Variants in RIN2 observed in about 807,000 individuals in gnomAD.
The protein encoded by RIN2 is Ras and Rab interactor 2.
Under a neutral mutation model 78.0 loss-of-function variants are expected in RIN2, and 36 were observed. The ratio of observed to expected loss-of-function variants is 0.46; its 90% CI spans 0.35 to 0.61. The LOEUF is 0.61. Ranked by LOEUF, RIN2 falls within the 20% of genes least tolerant of loss-of-function variation. The pLI is 0.00. For missense variants in RIN2, 1,087 were observed against 1,159.7 expected (o/e 0.94, Z 0.91); for synonymous variants, 466 against 466.8 (o/e 1.00, Z 0.02).
chr20:19,797,819 T>C (rs991643375), intron 1 of RIN2, among the ~76,000 whole-genome samples: 3 of 152,058 alleles, frequency 2.0e-5, no homozygotes, highest in Non-Finnish European at 4.4e-5. Context: ...CTAAATAATC[T>C]GCAATGGACC....
At chr20:19,969,693 A>G (rs560562782) in intron 7 of RIN2, among the ~76,000 whole-genome samples, 1 of 152,348 alleles carries the variant, frequency 6.6e-6, no homozygotes, top group African/African-American at 2.4e-5. Flanking sequence ...GGCACATTGC[A>G]GATGATCATA....
At chr20:19,813,723 T>A (rs958808199) in intron 2 of RIN2, among the ~76,000 whole-genome samples, 4 of 152,210 alleles carry the variant, frequency 2.6e-5, no homozygotes, top group Admixed American at 6.5e-5. Context: ...ATGTATTTTT[T>A]AAAAAAATGA....
intron 3 of RIN2, among the ~76,000 whole-genome samples, chr20:19,929,786 G>A (rs1008964029): frequency 1.3e-5 from 2 of 152,184 alleles, no homozygotes; most frequent in African/African-American, 4.8e-5. Context: ...TGTAAGGGAT[G>A]AGATTGAAAG....
At chr20:19,813,163 C>T (rs1240790463) in intron 2 of RIN2, among the ~76,000 whole-genome samples, 1 of 152,214 alleles carries the variant, frequency 6.6e-6, no homozygotes, top group African/African-American at 2.4e-5. Context: ...CCATTCTTTC[C>T]CTTGCCCCCA....
At chr20:19,991,566 T>C (rs73901371) in intron 10 of RIN2, among the ~76,000 whole-genome samples, 3,140 of 152,320 alleles carry the variant, frequency 0.021, 125 homozygotes, top group African/African-American at 0.071. Flanking sequence ...GGGACAAAAT[T>C]ATCTCCAGTT....
intron 6 of RIN2, among the ~76,000 whole-genome samples, chr20:19,964,395 C>A (rs2041870034): frequency 6.6e-6 from 1 of 152,204 alleles, no homozygotes; most frequent in East Asian, 1.9e-4. Context: ...ATGCATGAGG[C>A]ACCATGCCCG....
intron 1 of RIN2, among the ~76,000 whole-genome samples, chr20:19,770,741 A>G (rs1045660678): frequency 6.6e-6 from 1 of 152,038 alleles, no homozygotes; most frequent in Non-Finnish European, 1.5e-5. Flanking sequence ...TCTCACAACA[A>G]TCACCAACAC....
In RIN2 at chr20:19,992,290, C is replaced by T; in HGVS notation, c.2191C>T (p.His731Tyr). 1.9e-6 allele frequency: 3 copies of T among 1,564,224 alleles called. No homozygotes were observed. The highest frequency in any genetic ancestry group is 2.6e-6 in the Non-Finnish European group (3 of 1,153,466). The part of the protein sequence containing the change: ...MMELLDPSLL[H>Y]GEGGYYLTSA... The stretch of plus-strand genomic sequence containing the variant: ...GGAGCTCCTAGACCCATCGCTGTTA[C>T]ATGGAGAAGGTAACTGCTTTTGAGA... Residue 731 changes from histidine (H) to tyrosine (Y), a missense_variant, in exon 11 of 13, where the codon CAT (histidine) becomes TAT (tyrosine). This residue lies in a region of RIN2 where 45 missense variants were observed against 88.1 expected (regional missense o/e 0.51). Transcript: ENST00000255006.
Position 20,001,114 on chromosome 20 carries a change from G to A in RIN2, c.*178G>A, listed in dbSNP as rs1373190288. On this transcript the variant is annotated 3_prime_UTR_variant, in exon 13 of 13. Coordinates refer to ENST00000255006, the MANE Select transcript of RIN2 (RefSeq NM_018993.4). ...AACTTTAGCCACGCAAGGTAGCTGA[G>A]GTTTGTGAAACAGTAGGATTCTCTT... The A allele has an allele frequency of 8.5e-6, 5 of 586,544 alleles. No homozygotes were observed. In the Admixed American group the frequency reaches 1.5e-4, roughly 17 times the overall value. The allele number at this position is 586,544 out of a possible 1,614,324, so 36.3% of individuals were successfully genotyped here. A position where few individuals can be genotyped will look rare whatever the true frequency, so the allele number is the denominator to read the frequency against.
At chr20:19,946,534 A>G (rs984140037) in intron 4 of RIN2, among the ~76,000 whole-genome samples, 2 of 152,048 alleles carry the variant, frequency 1.3e-5, no homozygotes, top group African/African-American at 4.8e-5. Flanking sequence ...CATGGCCAAC[A>G]TGGCGAAACC....
At chr20:19,859,983 G>T (rs549133593) in intron 2 of RIN2, among the ~76,000 whole-genome samples, 1 of 152,220 alleles carries the variant, frequency 6.6e-6, no homozygotes, top group Non-Finnish European at 1.5e-5. Flanking sequence ...TGGCACCCCT[G>T]TGGACAACTG....
In RIN2 at chr20:19,935,717, T is replaced by G. The variant is rs760012349; in HGVS notation, c.158+518T>G. ...TCGATACAAAGGGAAGGCGGCGTGCTGTGCTGTTGAAGGCGATACCTGTGC... is the reference window on the plus strand; with the variant it reads ...TCGATACAAAGGGAAGGCGGCGTGCGGTGCTGTTGAAGGCGATACCTGTGC... On this transcript the variant is annotated intron_variant, in intron 4 of 12. Coordinates refer to ENST00000255006, the MANE Select transcript of RIN2 (RefSeq NM_018993.4). 5.0e-4 allele frequency: 324 copies of G among 651,754 alleles called. 5 individuals are homozygous for G. The highest frequency in any genetic ancestry group is 1.3e-4 in the Admixed American group (2 of 15,774). 40.4% of individuals were successfully genotyped at this position (651,754 alleles called of 1,614,324 possible). A position where few individuals can be genotyped will look rare whatever the true frequency, so the allele number is the denominator to read the frequency against.
At chr20:19,967,172 T>C (rs1431445521) in intron 7 of RIN2, among the ~76,000 whole-genome samples, 1 of 152,202 alleles carries the variant, frequency 6.6e-6, no homozygotes, top group Non-Finnish European at 1.5e-5. Context: ...GTACCTGCTG[T>C]CCAGGACTGT....
At chr20:19,793,165 A>G (rs991779823) in intron 1 of RIN2, among the ~76,000 whole-genome samples, 3 of 152,236 alleles carry the variant, frequency 2.0e-5, no homozygotes, top group Non-Finnish European at 4.4e-5. Context: ...TTAGAAAGTC[A>G]AAAGCAATAG....
intron 1 of RIN2, among the ~76,000 whole-genome samples, chr20:19,764,923 T>TTTTTTTTTG (rs1555813290): frequency 1.7e-4 from 19 of 113,856 alleles, no homozygotes; most frequent in African/African-American, 5.1e-4. Flanking sequence ...TCTGCGTTTT[T>TTTTTTTTTG]TTTTTTTTTT....
intron 1 of RIN2, among the ~76,000 whole-genome samples, chr20:19,794,865 A>G (rs992308740): frequency 6.6e-6 from 1 of 152,214 alleles, no homozygotes; most frequent in Non-Finnish European, 1.5e-5. Flanking sequence ...TCTGATCAAG[A>G]CAATCCCCTT....
chr20:19,787,170 C>T (rs2034705636), intron 1 of RIN2, among the ~76,000 whole-genome samples: 3 of 151,988 alleles, frequency 2.0e-5, no homozygotes, highest in Non-Finnish European at 4.4e-5. Context: ...TACCTGTAAT[C>T]CCAGCACTTT....
rs1052472522 is a variant in RIN2 at position 19,941,163 on chromosome 20, A to G, written c.158+5964A>G. Among the ~76,000 whole-genome samples the G allele has an allele frequency of 5.9e-5, 9 of 152,284 alleles. No individual in the cohort carries two copies. In the East Asian group the frequency reaches 1.7e-3, roughly 29 times the overall value. On this transcript the variant is annotated intron_variant, in intron 4 of 12. Coordinates refer to ENST00000255006, the MANE Select transcript of RIN2 (RefSeq NM_018993.4). ...TTGGCCAGCTCTTCTCAATGTTACA[A>G]TGTAGCAGCTGGTCATCACCTTTGG... is the stretch of plus-strand genomic sequence containing the variant.
intron 1 of RIN2, among the ~76,000 whole-genome samples, chr20:19,768,912 C>T (rs1012132028): frequency 3.4e-5 from 5 of 147,234 alleles, no homozygotes; most frequent in Non-Finnish European, 7.4e-5. Context: ...AAATACTTTG[C>T]TTTCTGTTTC....
Sources: allele counts gnomAD v4.1 joint callset (sites outside exome capture counted in the v4.1 genomes callset), GRCh38; gene constraint gnomAD v4.1.1; regional missense constraint gnomAD v4.1.1; transcripts MANE v1.5; gene names NCBI Gene and HGNC (gene_info 2026-07-23, HGNC 2026-07-21).